The following VPS13C variants were observed in gnomAD, a reference collection of about 807,000 sequenced individuals.
VPS13C encodes vacuolar protein sorting 13 homolog C.
In VPS13C, 358 loss-of-function variants were observed where a neutral mutation model predicts 456.8. The observed-to-expected ratio is 0.78, with a 90% confidence interval of 0.72 to 0.86. The LOEUF (loss-of-function observed/expected upper bound fraction) is 0.86. Among genes scored for constraint, VPS13C ranks in the 40% least tolerant of loss-of-function variants. VPS13C has a pLI of 0.00. For missense variants in VPS13C, 4,818 were observed against 4,385.4 expected (o/e 1.10, Z -2.79); for synonymous variants, 1,578 against 1,486.7 (o/e 1.06, Z -1.41).
Position 61,987,281 on chromosome 15 carries a change from G to A in VPS13C, c.1579-2282C>T, listed in dbSNP as rs565566907. Among the ~76,000 whole-genome samples the A allele has an allele frequency of 4.0e-5, 6 of 151,884 alleles. No homozygotes were observed. The South Asian group carries it at 1.2e-3, about 32-fold the overall frequency. ...ACTTATAAAACTATAATAATCAAGT[G>A]CATTAGTCCATTCTCATGCTGCTAA... is the stretch of plus-strand genomic sequence containing the variant. On this transcript the variant is annotated intron_variant, in intron 18 of 84. Transcript: ENST00000644861.
chr15:61,856,055 G>A (rs1893885271), intron 83 of VPS13C, among the ~76,000 whole-genome samples: 1 of 151,896 alleles, frequency 6.6e-6, no homozygotes, highest in Non-Finnish European at 1.5e-5. Flanking sequence ...GAAAATATCA[G>A]CATATGAGAA....
chr15:61,919,143 T>C, intron 58 of VPS13C, 146 bp downstream of exon 58: 2 of 743,290 alleles, frequency 2.7e-6, no homozygotes, highest in Non-Finnish European at 4.0e-6. Context: ...GCCATTTCTG[T>C]TACTATTTAT....
chr15:61,965,295 T>C (rs189534576), intron 30 of VPS13C, among the ~76,000 whole-genome samples: 65 of 152,014 alleles, frequency 4.3e-4, no homozygotes, highest in African/African-American at 1.5e-3. Context: ...GAAATTTAAA[T>C]ATAAAAAGGA....
Position 62,037,309 on chromosome 15 carries a change from TAAA to T in VPS13C, c.188-2260_188-2258del, listed in dbSNP as rs1397554427. Among the ~76,000 whole-genome samples the T allele has an allele frequency of 9.0e-4, 61 of 67,814 alleles. 10 individuals carry two copies. Among genetic ancestry groups the T allele is most frequent in the Middle Eastern group, 7.0e-3 (1 of 142 alleles). The allele number at this position is 67,814 out of a possible 152,430, so 44.5% of individuals were successfully genotyped here. ...TATATTATATTATATAATATATATATAAATATATTATATATTATATACATTTAT... is the reference window on the plus strand; with the variant it reads ...TATATTATATTATATAATATATATATTATATTATATATTATATACATTTAT... On this transcript the variant is annotated intron_variant, in intron 3 of 84. Coordinates refer to ENST00000644861, the MANE Select transcript of VPS13C (RefSeq NM_020821.3).
chr15:61,957,918 C>A (rs2045061946), intron 37 of VPS13C, among the ~76,000 whole-genome samples: 1 of 151,670 alleles, frequency 6.6e-6, no homozygotes, highest in South Asian at 2.1e-4. Context: ...GGAATAGACA[C>A]CAAGATACAC....
chr15:61,883,112 T>A (rs998988294), intron 68 of VPS13C, among the ~76,000 whole-genome samples: 7 of 151,788 alleles, frequency 4.6e-5, no homozygotes, highest in Non-Finnish European at 1.0e-4. Context: ...AGCCTCAACC[T>A]CCTGGCCTCA....
In VPS13C at chr15:61,924,246, T is replaced by C. The variant is rs552618232; in HGVS notation, c.6609+1210A>G. The stretch of plus-strand genomic sequence containing the variant: ...AGTTCTGTCTGGATAAACCTTTCCA[T>C]GCTCCCCATCTATTTAATCTCCCTT... On this transcript the variant is annotated intron_variant, in intron 53 of 84. Coordinates refer to ENST00000644861, the MANE Select transcript of VPS13C (RefSeq NM_020821.3). 3.3e-5 allele frequency among the ~76,000 whole-genome samples: 5 copies of C among 152,314 alleles called. No individual in the cohort carries two copies. In the South Asian group the frequency reaches 1.0e-3, roughly 32 times the overall value.
chr15:62,001,607 G>A (rs1358194726), intron 15 of VPS13C, among the ~76,000 whole-genome samples: 1 of 152,006 alleles, frequency 6.6e-6, no homozygotes, highest in Non-Finnish European at 1.5e-5. Context: ...CCATGCTGGT[G>A]CGCTGCACCC....
intron 6 of VPS13C, among the ~76,000 whole-genome samples, chr15:62,026,436 C>T (rs535509685): frequency 6.6e-6 from 1 of 152,136 alleles, no homozygotes; most frequent in East Asian, 1.9e-4. Flanking sequence ...TAAAGTACTA[C>T]TGGGAAGCTG....
rs1349422165 is a variant in VPS13C, at chr15:61,854,948, C to T, written c.11083G>A (p.Gly3695Ser). 3.1e-6 allele frequency: 5 copies of T among 1,589,234 alleles called. No homozygotes were observed. Among genetic ancestry groups the T allele is most frequent in the Non-Finnish European group, 4.3e-6 (5 of 1,173,874 alleles). ...GCACTGTCTTTTTTGTGGAACAGACCCTGTTCCTGTTTCAAAAGAAACAAT... is the reference window on the plus strand; with the variant it reads ...GCACTGTCTTTTTTGTGGAACAGACTCTGTTCCTGTTTCAAAAGAAACAAT... Reference protein sequence around the residue: ...NVLKISVKEQGLFHKKDSANQ... With the variant: ...NVLKISVKEQSLFHKKDSANQ... The change falls in exon 84 of 85, where the codon GGT becomes AGT. Residue 3695 changes from glycine to serine, a missense_variant. Coordinates refer to ENST00000644861, the MANE Select transcript of VPS13C (RefSeq NM_020821.3).
In VPS13C at chr15:61,921,955, T is replaced by C. The variant is rs1310834064; in HGVS notation, c.7054A>G (p.Arg2352Gly). 6.2e-7 allele frequency: 1 copy of C among 1,613,306 alleles called. No homozygotes were observed. The change falls in exon 55 of 85, where the codon AGG becomes GGG. Residue 2352 changes from arginine to glycine, a missense_variant. By Grantham distance (125) the Arg-to-Gly change is moderately radical (BLOSUM62 -2). Around this residue, in one of 3 missense-constraint regions of VPS13C, gnomAD observed 4,552 missense variants for 4,130.6 expected, o/e 1.10. Coordinates refer to ENST00000644861, the MANE Select transcript of VPS13C (RefSeq NM_020821.3). Reference protein sequence around the residue: ...RVEGKRQWNLRLDVKKNPVQD... With the variant: ...RVEGKRQWNLGLDVKKNPVQD... ...TTTTAAGATTTCCTTACATCAAGCC[T>C]TAAATTCCATTGTCTCTTCCCCTCC...
At chr15:61,854,615 G>A in intron 84 of VPS13C, 57 bp from the exon 85 acceptor site, 1 of 1,559,002 alleles carries the variant, frequency 6.4e-7, no homozygotes, top group Non-Finnish European at 8.8e-7. Context: ...TCATTTGGTT[G>A]AAGGGAAAGG....
At chr15:62,017,679 G>A (rs1043661358) in intron 9 of VPS13C, among the ~76,000 whole-genome samples, 2 of 152,154 alleles carry the variant, frequency 1.3e-5, no homozygotes, top group Admixed American at 6.5e-5. Context: ...TGCTGTTTTG[G>A]TTACTGTAGC....
At chr15:61,865,529 AATGT>A (rs1211179314) in intron 81 of VPS13C, 7 of 877,600 alleles carry the variant, frequency 8.0e-6, no homozygotes, top group South Asian at 5.3e-5. Flanking sequence ...ACATACATAT[AATGT>A]ATGTATATAT....
intron 14 of VPS13C, 81 bp from the exon 15 acceptor site, chr15:62,007,560 T>TA (rs1285640920): frequency 8.0e-7 from 1 of 1,243,648 alleles, no homozygotes; most frequent in Non-Finnish European, 1.1e-6. Context: ...TTTTAGATCT[T>TA]ATGCTGTCAA....
chr15:61,881,590 T>C lies in VPS13C; in HGVS notation c.9749A>G (p.Asn3250Ser). The change falls in exon 71 of 85, where the codon AAT becomes AGT. Residue 3250 changes from asparagine to serine, a missense_variant. Transcript: ENST00000644861. ...GAACTGTAAGACTTTACTGTACTCA[T>C]TAAATCTTGTGATGACACTCACATC... is the stretch of plus-strand genomic sequence containing the variant. ...FIDVSVITRF[N>S]EYSKVLQFKY... is the part of the protein sequence containing the mutation. 1 of 1,612,564 alleles carries C rather than the reference T, an allele frequency of 6.2e-7. No homozygotes were observed. The highest frequency in any genetic ancestry group is 8.5e-7 in the Non-Finnish European group (1 of 1,179,264).
chr15:61,997,489 A>G (rs1463857219), intron 16 of VPS13C, among the ~76,000 whole-genome samples: 1 of 151,954 alleles, frequency 6.6e-6, no homozygotes, highest in Non-Finnish European at 1.5e-5. Context: ...ATAATTGCCT[A>G]CTCCACTGCC....
chr15:61,866,486 A>G, intron 81 of VPS13C: 1 of 984,820 alleles, frequency 1.0e-6, no homozygotes, highest in Non-Finnish European at 1.2e-6. Flanking sequence ...TCAGTAAAAC[A>G]GCAATATAAC....
intron 15 of VPS13C, 25 bp downstream of exon 15, chr15:62,007,283 T>C (rs201428382): frequency 6.8e-7 from 1 of 1,474,464 alleles, no homozygotes; most frequent in African/African-American, 1.4e-5. Flanking sequence ...AAATAATAGC[T>C]CTCACTAATA....
Sources: gnomAD v4.1 joint callset for allele counts (sites outside exome capture counted in the v4.1 genomes callset) on GRCh38, gnomAD v4.1.1 for gene constraint, gnomAD v4.1.1 regional missense constraint, MANE v1.5 for transcripts, NCBI Gene and HGNC (gene_info 2026-07-23, HGNC 2026-07-21) for gene names.